LRRIQ3: variants seen among roughly 807,000 people sequenced by gnomAD.
The protein encoded by LRRIQ3 is leucine-rich repeat and IQ domain-containing protein 3.
LRRIQ3 carries 75 observed loss-of-function variants against 59.3 expected under a neutral mutation model. The ratio of observed to expected loss-of-function variants is 1.26; its 90% CI spans 1.05 to 1.53. LRRIQ3 has a LOEUF of 1.53. LRRIQ3 is among the 40% of genes most tolerant of loss of function. The pLI is 0.00. For synonymous variants in LRRIQ3, 250 were observed against 231.3 expected (o/e 1.08, Z -0.73); for missense variants, 831 against 710.0 (o/e 1.17, Z -1.94).
chr1:74,115,620 G>C (rs1303054964), intron 4 of LRRIQ3, among the ~76,000 whole-genome samples: 2 of 152,126 alleles, frequency 1.3e-5, no homozygotes, highest in African/African-American at 2.4e-5. Flanking sequence ...GACAGTGTGA[G>C]ACAGTCCAGA....
At chr1:74,030,649 A>G (rs1322622672) in intron 7 of LRRIQ3, among the ~76,000 whole-genome samples, 5 of 152,342 alleles carry the variant, frequency 3.3e-5, no homozygotes, top group African/African-American at 7.2e-5. Flanking sequence ...ACCTAAAACC[A>G]TAAAAACCCT....
At chr1:74,064,579 C>T (rs1654818347) in intron 6 of LRRIQ3, among the ~76,000 whole-genome samples, 1 of 152,006 alleles carries the variant, frequency 6.6e-6, no homozygotes, top group Admixed American at 6.6e-5. Context: ...TTTCATACAC[C>T]TTCTAAGGCA....
At chr1:74,032,555 T>C (rs567678239) in intron 7 of LRRIQ3, among the ~76,000 whole-genome samples, 29 of 152,218 alleles carry the variant, frequency 1.9e-4, no homozygotes, top group Non-Finnish European at 3.4e-4. Flanking sequence ...AAGTCAGCAA[T>C]ATCATGTAAA....
chr1:74,124,092 G>T (rs978568993), intron 4 of LRRIQ3, among the ~76,000 whole-genome samples: 1 of 151,794 alleles, frequency 6.6e-6, no homozygotes, highest in Non-Finnish European at 1.5e-5. Context: ...ATGTAGCTTT[G>T]ATTTATGTTT....
intron 4 of LRRIQ3, among the ~76,000 whole-genome samples, chr1:74,138,941 T>C (rs1404357941): frequency 6.6e-6 from 1 of 151,472 alleles, no homozygotes; most frequent in African/African-American, 2.4e-5. Flanking sequence ...ATATGTCACT[T>C]TGGGAGGCCA....
At chr1:74,174,088 T>C (rs1649491456) in intron 3 of LRRIQ3, among the ~76,000 whole-genome samples, 1 of 152,142 alleles carries the variant, frequency 6.6e-6, no homozygotes, top group Admixed American at 6.5e-5. Flanking sequence ...GTTCAGTCAT[T>C]ATTTTATACA....
intron 5 of LRRIQ3, among the ~76,000 whole-genome samples, chr1:74,088,881 C>T (rs766362402): frequency 6.6e-6 from 1 of 151,794 alleles, no homozygotes; most frequent in Admixed American, 6.6e-5. Flanking sequence ...GAAAAGACAA[C>T]CCACATAATG....
chr1:74,111,052 C>A (rs750014825), intron 4 of LRRIQ3, among the ~76,000 whole-genome samples: 15 of 151,966 alleles, frequency 9.9e-5, no homozygotes, highest in Non-Finnish European at 2.1e-4. Context: ...AATATAACAA[C>A]AACAAAAAAT....
intron 3 of LRRIQ3, chr1:74,180,898 T>A: frequency 1.9e-6 from 2 of 1,029,708 alleles, no homozygotes; most frequent in Non-Finnish European, 2.8e-6. Context: ...CAGTCTGTGT[T>A]AATGCCTTAC....
At chr1:74,089,972 T>C (rs1056024708) in intron 5 of LRRIQ3, among the ~76,000 whole-genome samples, 6 of 152,030 alleles carry the variant, frequency 3.9e-5, no homozygotes, top group Admixed American at 3.3e-4. Flanking sequence ...GAGAAAATTA[T>C]TATAATTTTT....
At chr1:74,192,176 A>G (rs1040172726) in intron 1 of LRRIQ3, among the ~76,000 whole-genome samples, 2 of 152,102 alleles carry the variant, frequency 1.3e-5, no homozygotes, top group Non-Finnish European at 1.5e-5. Flanking sequence ...TTTACCATGC[A>G]ATAATAAATC....
At chr1:74,085,912 ATC>A (rs1452033056) in intron 5 of LRRIQ3, among the ~76,000 whole-genome samples, 1 of 152,042 alleles carries the variant, frequency 6.6e-6, no homozygotes, top group African/African-American at 2.4e-5. Context: ...TAATAATGGA[ATC>A]TCTCACAATA....
At chr1:74,053,643 C>A (rs890046034) in intron 6 of LRRIQ3, among the ~76,000 whole-genome samples, 1 of 151,734 alleles carries the variant, frequency 6.6e-6, no homozygotes, top group Non-Finnish European at 1.5e-5. Flanking sequence ...GATATGATGG[C>A]ACCACTGCAC....
At chr1:74,039,453 A>G (rs1458814002) in intron 7 of LRRIQ3, among the ~76,000 whole-genome samples, 2 of 152,156 alleles carry the variant, frequency 1.3e-5, no homozygotes, top group African/African-American at 4.8e-5. Context: ...AAAAGCCAAC[A>G]TTCAAATTCA....
intron 4 of LRRIQ3, among the ~76,000 whole-genome samples, chr1:74,121,382 G>C (rs1371785987): frequency 6.6e-6 from 1 of 152,122 alleles, no homozygotes; most frequent in African/African-American, 2.4e-5. Flanking sequence ...GAAGGGACCT[G>C]CCAAAAAGGT....
intron 4 of LRRIQ3, among the ~76,000 whole-genome samples, chr1:74,129,206 C>T (rs1318572856): frequency 6.6e-6 from 1 of 152,052 alleles, no homozygotes; most frequent in Admixed American, 6.6e-5. Context: ...GGCAAGTTCC[C>T]CTTGGTCCCA....
At chr1:74,086,611 G>T (rs758678885) in intron 5 of LRRIQ3, among the ~76,000 whole-genome samples, 4 of 152,036 alleles carry the variant, frequency 2.6e-5, no homozygotes, top group Admixed American at 6.6e-5. Flanking sequence ...AAGATAAAGT[G>T]TATGTTTAAG....
chr1:74,029,716 T>C (rs1251895405), intron 7 of LRRIQ3, among the ~76,000 whole-genome samples: 1 of 152,020 alleles, frequency 6.6e-6, no homozygotes, highest in Admixed American at 6.6e-5. Context: ...GTCTCATAAA[T>C]TGAGTTAGGG....
chr1:74,196,718 TTTA>T (rs1651168726), intron 1 of LRRIQ3, among the ~76,000 whole-genome samples: 1 of 152,180 alleles, frequency 6.6e-6, no homozygotes, highest in South Asian at 2.1e-4. Flanking sequence ...ATCAGCACAT[TTTA>T]TTGTTTTTGT....
Sources: allele counts gnomAD v4.1 joint callset (sites outside exome capture counted in the v4.1 genomes callset), GRCh38; gene constraint gnomAD v4.1.1; transcripts MANE v1.5; gene names NCBI Gene and HGNC (gene_info 2026-07-23, HGNC 2026-07-21).